Variants in ADAM23 observed in about 807,000 individuals in gnomAD.
ADAM23 encodes the protein disintegrin and metalloproteinase domain-containing protein 23.
A neutral mutation model predicts 120.1 loss-of-function variants in ADAM23; 33 were observed. That is an observed-to-expected ratio of 0.27 (90% CI 0.21 to 0.37). The LOEUF is 0.37. Ranked by LOEUF, ADAM23 falls within the 10% of genes least tolerant of loss-of-function variation. The pLI, the probability that ADAM23 is intolerant of heterozygous loss-of-function variation, is 1.00. For synonymous variants in ADAM23, 367 were observed against 375.2 expected (o/e 0.98, Z 0.25); for missense variants, 862 against 1,058.2 (o/e 0.81, Z 2.57).
Position 206,484,424 on chromosome 2 carries a change from T to C in ADAM23, c.509+3116T>C, listed in dbSNP as rs538886024. 2.6e-5 allele frequency among the ~76,000 whole-genome samples: 4 copies of C among 152,324 alleles called. No individual in the cohort carries two copies. In the South Asian group the frequency reaches 8.3e-4, roughly 32 times the overall value. ...GTGTATTTCTTTCTGGTGTTGTTTT[T>C]TATATTTTATTTGTATTATTTTTAA... On this transcript the variant is annotated intron_variant, in intron 3 of 25. Coordinates refer to ENST00000264377, the MANE Select transcript of ADAM23 (RefSeq NM_003812.4).
At chr2:206,510,332 A>G (rs1574505342) in intron 3 of ADAM23, among the ~76,000 whole-genome samples, 1 of 152,238 alleles carries the variant, frequency 6.6e-6, no homozygotes, top group African/African-American at 2.4e-5. Context: ...AAATCCTACT[A>G]AAGTTGTGAA....
intron 3 of ADAM23, among the ~76,000 whole-genome samples, chr2:206,518,882 A>G (rs1007094342): frequency 6.6e-6 from 1 of 152,180 alleles, no homozygotes. Context: ...AGTATGCAAT[A>G]GCTGATTATT....
chr2:206,562,933 G>C (rs1697797508), intron 13 of ADAM23, among the ~76,000 whole-genome samples: 3 of 152,156 alleles, frequency 2.0e-5, no homozygotes, highest in Admixed American at 6.5e-5. Context: ...TCGTTAATCA[G>C]ATGAGAGGTA....
intron 4 of ADAM23, among the ~76,000 whole-genome samples, chr2:206,540,689 G>A (rs1343030295): frequency 6.6e-6 from 1 of 151,940 alleles, no homozygotes; most frequent in Non-Finnish European, 1.5e-5. Context: ...GAAGAAACAA[G>A]TCAACTTATG....
intron 3 of ADAM23, among the ~76,000 whole-genome samples, chr2:206,528,110 A>C (rs1299513310): frequency 1.3e-5 from 2 of 152,174 alleles, no homozygotes; most frequent in African/African-American, 4.8e-5. Flanking sequence ...ATGTGCTCCA[A>C]TGATTGTGTG....
chr2:206,465,682 T>C (rs1215199287), intron 2 of ADAM23, among the ~76,000 whole-genome samples: 2 of 152,198 alleles, frequency 1.3e-5, no homozygotes, highest in Non-Finnish European at 2.9e-5. Context: ...TGAAATAATA[T>C]AAAATTGTAA....
rs1697976843 is a variant in ADAM23, at chr2:206,570,647, C to T, written c.1495-93C>T. 7 of 907,772 alleles carry T rather than the reference C, an allele frequency of 7.7e-6. 1 individual carries two copies. Among genetic ancestry groups the T allele is most frequent in the South Asian group, 7.1e-5 (5 of 70,212 alleles). The allele number at this position is 907,772 out of a possible 1,614,324, so 56.2% of individuals were successfully genotyped here. ...ATCAAAGAAGAATATCACATGATAG[C>T]TGATTATACGGCCATTGTATGTGGC... On this transcript the variant is annotated intron_variant, in intron 15 of 25. Transcript: ENST00000264377.
At chr2:206,474,024 A>C (rs35362011) in intron 2 of ADAM23, among the ~76,000 whole-genome samples, 8 of 142,922 alleles carry the variant, frequency 5.6e-5, no homozygotes, top group African/African-American at 1.2e-4. Context: ...AAAAAAAAAA[A>C]CAAAAAAAAA....
rs138548211 is a variant in ADAM23 at position 206,621,054 on chromosome 2, G to A, written c.*3427G>A. ...TAAATTCATTCGTATCTTGTTGGCT[G>A]CCTATGAATGGAGATTCAGTAGTCA... On this transcript the variant is annotated 3_prime_UTR_variant, in exon 26 of 26. Coordinates refer to ENST00000264377, the MANE Select transcript of ADAM23 (RefSeq NM_003812.4). 2.1e-4 allele frequency: 32 copies of A among 152,322 alleles called. No homozygotes were observed. Among genetic ancestry groups the A allele is most frequent in the African/African-American group, 7.2e-4 (30 of 41,570 alleles). 9.4% of individuals were successfully genotyped at this position (152,322 alleles called of 1,614,324 possible).
At chr2:206,596,982 A>C (rs1166173268) in intron 24 of ADAM23, among the ~76,000 whole-genome samples, 1 of 138,050 alleles carries the variant, frequency 7.2e-6, no homozygotes, top group African/African-American at 2.7e-5. Flanking sequence ...ATCATGGCTC[A>C]CTGAAGCCTC....
At chr2:206,479,311 A>C (rs1014479574) in intron 2 of ADAM23, among the ~76,000 whole-genome samples, 1 of 152,144 alleles carries the variant, frequency 6.6e-6, no homozygotes. Context: ...TTTGCTATAA[A>C]ATAAGCCTTT....
At chr2:206,484,891 C>A (rs1292068145) in intron 3 of ADAM23, among the ~76,000 whole-genome samples, 2 of 152,122 alleles carry the variant, frequency 1.3e-5, no homozygotes, top group Non-Finnish European at 2.9e-5. Flanking sequence ...CTCACGAGAT[C>A]TGATGGTTTT....
At chr2:206,495,882 C>G (rs925832618) in intron 3 of ADAM23, among the ~76,000 whole-genome samples, 4 of 152,056 alleles carry the variant, frequency 2.6e-5, no homozygotes, top group Admixed American at 1.3e-4. Flanking sequence ...TTTAAACCAA[C>G]AAAGATCAAA....
intron 3 of ADAM23, among the ~76,000 whole-genome samples, chr2:206,498,096 A>G (rs1035141258): frequency 7.6e-4 from 116 of 152,286 alleles, no homozygotes; most frequent in African/African-American, 2.6e-3. Flanking sequence ...TATAGATTCA[A>G]TGCCATCCCC....
intron 3 of ADAM23, among the ~76,000 whole-genome samples, chr2:206,525,576 T>C (rs1442606486): frequency 6.6e-6 from 1 of 151,922 alleles, no homozygotes; most frequent in Non-Finnish European, 1.5e-5. Flanking sequence ...GAAGCATATT[T>C]TTGTTTGTTT....
At chr2:206,519,211 C>T (rs149891820) in intron 3 of ADAM23, among the ~76,000 whole-genome samples, 16 of 152,228 alleles carry the variant, frequency 1.1e-4, no homozygotes, top group South Asian at 4.1e-4. Flanking sequence ...CCGGTTAGCA[C>T]GCTCATAAAC....
chr2:206,572,922 C>G (rs1698033722), intron 17 of ADAM23, among the ~76,000 whole-genome samples, 193 bp from the exon 18 acceptor site: 2 of 152,080 alleles, frequency 1.3e-5, no homozygotes, highest in Non-Finnish European at 2.9e-5. Context: ...GTTGATGATT[C>G]ATCTTTAGTG....
At chr2:206,469,355 C>G (rs1020387049) in intron 2 of ADAM23, among the ~76,000 whole-genome samples, 1 of 152,130 alleles carries the variant, frequency 6.6e-6, no homozygotes, top group Admixed American at 6.5e-5. Context: ...CTTGTCTCCT[C>G]TATTTCATTA....
intron 2 of ADAM23, among the ~76,000 whole-genome samples, chr2:206,470,033 A>G (rs1395192116): frequency 2.0e-5 from 3 of 152,090 alleles, no homozygotes; most frequent in Non-Finnish European, 2.9e-5. Flanking sequence ...ACTCATCACT[A>G]TCTAACTTAC....
Sources: allele counts gnomAD v4.1 joint callset (sites outside exome capture counted in the v4.1 genomes callset), GRCh38; gene constraint gnomAD v4.1.1; transcripts MANE v1.5; gene names NCBI Gene and HGNC (gene_info 2026-07-23, HGNC 2026-07-21).